FOXP1: variants seen among roughly 807,000 people sequenced by gnomAD.
FOXP1 encodes forkhead box P1, also known as forkhead box protein P1.
Under a neutral mutation model 98.2 loss-of-function variants are expected in FOXP1, and 15 were observed. The ratio of observed to expected loss-of-function variants is 0.15; its 90% CI spans 0.10 to 0.24. The LOEUF (loss-of-function observed/expected upper bound fraction) is 0.24. Among genes scored for constraint, FOXP1 ranks in the 10% least tolerant of loss-of-function variants. The pLI is 1.00. For missense variants in FOXP1, 633 were observed against 848.5 expected (o/e 0.75, Z 3.15); for synonymous variants, 371 against 314.5 (o/e 1.18, Z -1.90).
At chr3:70,959,480 C>T (rs1277563449) in intron 20 of FOXP1, 89 bp from the exon 21 acceptor site, 42 of 1,435,748 alleles carry the variant, frequency 2.9e-5, no homozygotes, top group East Asian at 1.6e-4. Flanking sequence ...ACAGAAAAGC[C>T]GCACTCTAGA....
At chr3:71,489,221 C>T (rs2090889238) in intron 3 of FOXP1, among the ~76,000 whole-genome samples, 2 of 152,214 alleles carry the variant, frequency 1.3e-5, no homozygotes, top group Non-Finnish European at 2.9e-5. Flanking sequence ...GAGAAGGATG[C>T]ATTTCCCTTG....
At chr3:71,326,582 G>T (rs2075705395) in intron 4 of FOXP1, among the ~76,000 whole-genome samples, 1 of 147,910 alleles carries the variant, frequency 6.8e-6, no homozygotes, top group African/African-American at 2.5e-5. Flanking sequence ...GGAAGGAAGG[G>T]AGAGTTTGGA....
rs546852486 is a variant in FOXP1 at position 71,365,950 on chromosome 3, C to T, written c.-167-6706G>A. 3.3e-5 allele frequency among the ~76,000 whole-genome samples: 5 copies of T among 152,058 alleles called. No individual in the cohort carries two copies. In the South Asian group the frequency reaches 8.3e-4, roughly 25 times the overall value. On this transcript the variant is annotated intron_variant, in intron 3 of 20. Transcript: ENST00000649528. ...GTGAGCCCACTGCACTCCAGCCTGG[C>T]GACAGGGCAAGACTCCATTTTAAAA...
At chr3:71,445,694 T>C (rs555733067) in intron 3 of FOXP1, among the ~76,000 whole-genome samples, 4 of 150,932 alleles carry the variant, frequency 2.7e-5, no homozygotes, top group South Asian at 4.2e-4. Flanking sequence ...TATACCTTTT[T>C]TTTTTTTTTT....
chr3:70,963,568 C>T (rs924213752), intron 20 of FOXP1, among the ~76,000 whole-genome samples: 2 of 152,198 alleles, frequency 1.3e-5, no homozygotes, highest in Non-Finnish European at 2.9e-5. Context: ...ACTCCTACTT[C>T]CGAAAGGGCT....
rs58267668 is a variant in FOXP1, at chr3:71,411,278, CGTGTGTGTGTGT to C, written c.-167-52046_-167-52035del. ...GGACTTAAACCAGAGGCTGAATGGG[CGTGTGTGTGTGT>C]GTGTGTGTGTGTGTGTGTGTGTGTG... On this transcript the variant is annotated intron_variant, in intron 3 of 20. Coordinates refer to ENST00000649528, the MANE Select transcript of FOXP1 (RefSeq NM_001349338.3). Among the ~76,000 whole-genome samples the C allele has an allele frequency of 4.7e-3, 661 of 141,758 alleles. 5 individuals are homozygous for C. The highest frequency in any genetic ancestry group is 0.015 in the African/African-American group (554 of 37,694). The allele number at this position is 141,758 out of a possible 152,430, so 93.0% of individuals were successfully genotyped here.
At chr3:70,993,138 T>C (rs184178848) in intron 13 of FOXP1, among the ~76,000 whole-genome samples, 2 of 152,342 alleles carry the variant, frequency 1.3e-5, no homozygotes, top group East Asian at 3.9e-4. Context: ...CGGTAATTGA[T>C]TTGTGTTAGG....
intron 12 of FOXP1, among the ~76,000 whole-genome samples, chr3:71,014,805 G>A (rs997633888): frequency 1.3e-5 from 2 of 152,166 alleles, no homozygotes; most frequent in African/African-American, 4.8e-5. Flanking sequence ...GGAATACTAT[G>A]CAGCCATAAA....
intron 3 of FOXP1, among the ~76,000 whole-genome samples, chr3:71,461,051 C>T (rs936861660): frequency 3.3e-5 from 5 of 152,116 alleles, no homozygotes; most frequent in East Asian, 1.9e-4. Context: ...AATTCTTAGA[C>T]GTTTTTGTTT....
intron 11 of FOXP1, among the ~76,000 whole-genome samples, chr3:71,037,743 T>A (rs1247991466): frequency 6.6e-6 from 1 of 152,224 alleles, no homozygotes; most frequent in Non-Finnish European, 1.5e-5. Flanking sequence ...TGAATTCTAA[T>A]GATGCTGAAT....
intron 7 of FOXP1, among the ~76,000 whole-genome samples, chr3:71,106,468 T>C (rs1395044755): frequency 6.6e-6 from 1 of 152,146 alleles, no homozygotes; most frequent in African/African-American, 2.4e-5. Context: ...CCCGAGTAGC[T>C]GGGACTACAG....
At position 71,094,424 on chromosome 3, in the gene FOXP1, C is replaced by T. The variant is rs141624477; in HGVS notation, c.282+18112G>A. Among the ~76,000 whole-genome samples, 79 of 151,996 alleles carry T rather than the reference C, an allele frequency of 5.2e-4. 1 individual carries two copies. The highest frequency in any genetic ancestry group is 1.7e-3 in the African/African-American group (70 of 41,476). On this transcript the variant is annotated intron_variant, in intron 7 of 20. Transcript: ENST00000649528. ...CCTCCCGAGTAGCTGGGACTACAGG[C>T]GCACGCCACCATGCCCGGCTAATAT... is the stretch of plus-strand genomic sequence containing the variant.
chr3:71,372,548 C>A (rs1487459064), intron 3 of FOXP1, among the ~76,000 whole-genome samples: 1 of 152,132 alleles, frequency 6.6e-6, no homozygotes, highest in Non-Finnish European at 1.5e-5. Context: ...AGAGTTTGCC[C>A]TCTAGTAGAA....
chr3:71,109,114 C>G (rs2057698743), intron 7 of FOXP1, among the ~76,000 whole-genome samples: 1 of 152,112 alleles, frequency 6.6e-6, no homozygotes, highest in African/African-American at 2.4e-5. Context: ...ATATCTATAC[C>G]CGATTAATGC....
At chr3:71,135,916 T>C (rs984395249) in intron 6 of FOXP1, among the ~76,000 whole-genome samples, 2 of 152,220 alleles carry the variant, frequency 1.3e-5, no homozygotes, top group Admixed American at 6.5e-5. Flanking sequence ...TTTTCCAAAA[T>C]GTACTGTCAG....
At chr3:71,282,358 T>C (rs1296132646) in intron 5 of FOXP1, among the ~76,000 whole-genome samples, 1 of 151,748 alleles carries the variant, frequency 6.6e-6, no homozygotes, top group South Asian at 2.1e-4. Flanking sequence ...AATATATATA[T>C]ATTTATTAAA....
intron 2 of FOXP1, among the ~76,000 whole-genome samples, chr3:71,579,323 A>C (rs1044306029): frequency 6.6e-6 from 1 of 152,178 alleles, no homozygotes; most frequent in Admixed American, 6.5e-5. Flanking sequence ...CCCTTATCTG[A>C]GACAGTTAAT....
intron 2 of FOXP1, among the ~76,000 whole-genome samples, chr3:71,556,988 T>G (rs1255636676): frequency 6.6e-6 from 1 of 151,314 alleles, no homozygotes; most frequent in South Asian, 2.1e-4. Flanking sequence ...GAATATTCAA[T>G]GACTAAAAAA....
chr3:71,344,141 G>A (rs138763052), intron 4 of FOXP1, among the ~76,000 whole-genome samples: 41 of 152,272 alleles, frequency 2.7e-4, no homozygotes, highest in African/African-American at 8.7e-4. Context: ...CATTGCATAC[G>A]CATATCAGTA....
Sources: gnomAD v4.1 joint callset for allele counts (sites outside exome capture counted in the v4.1 genomes callset) on GRCh38, gnomAD v4.1.1 for gene constraint, MANE v1.5 for transcripts, NCBI Gene and HGNC (gene_info 2026-07-23, HGNC 2026-07-21) for gene names.